The following MEIG1 variants were observed in gnomAD, a reference collection of about 807,000 sequenced individuals.
MEIG1 encodes the protein meiosis expressed gene 1 protein homolog.
Under a neutral mutation model 11.3 loss-of-function variants are expected in MEIG1, and 12 were observed. That is an observed-to-expected ratio of 1.07 (90% CI 0.68 to 1.73). The LOEUF (loss-of-function observed/expected upper bound fraction) is 1.73, where lower values mean the gene tolerates loss of function less well. MEIG1 is among the 40% of genes most tolerant of loss of function. The pLI is 0.00. For missense variants in MEIG1, 119 were observed against 104.9 expected (o/e 1.13, Z -0.59); for synonymous variants, 41 against 33.2 (o/e 1.24, Z -0.81).
At chr10:14,963,649 A>T (rs923880591) in intron 1 of MEIG1, among the ~76,000 whole-genome samples, 1 of 152,054 alleles carries the variant, frequency 6.6e-6, no homozygotes, top group South Asian at 2.1e-4. Context: ...GGTGTTCCAA[A>T]TTTTACATAA....
intron 1 of MEIG1, among the ~76,000 whole-genome samples, chr10:14,985,256 CG>C (rs1236611278): frequency 6.6e-6 from 1 of 151,688 alleles, no homozygotes; most frequent in Non-Finnish European, 1.5e-5. Context: ...ACTATGGTCA[CG>C]GGGGTATACA....
chr10:14,976,177 C>T (rs1293773931), downstream of MEIG1, among the ~76,000 whole-genome samples: 3 of 152,274 alleles, frequency 2.0e-5, no homozygotes, highest in African/African-American at 7.2e-5. Context: ...CTTTTCTCTA[C>T]TGCCATCCTG....
At chr10:14,965,837 C>T (rs1843076455) in intron 1 of MEIG1, among the ~76,000 whole-genome samples, 1 of 152,110 alleles carries the variant, frequency 6.6e-6, no homozygotes, top group Non-Finnish European at 1.5e-5. Context: ...GCTTTTAGAA[C>T]ATCACTCCGT....
chr10:14,987,029 T>A lies in MEIG1; in HGVS notation n.285+15T>A, dbSNP rs1022584455. 10 of 619,346 alleles carry A rather than the reference T, an allele frequency of 1.6e-5. No homozygotes were observed. The African/African-American group carries it at 1.9e-4, about 12-fold the overall frequency. 38.4% of individuals were successfully genotyped at this position (619,346 alleles called of 1,614,324 possible). On this transcript the variant is annotated intron_variant and non_coding_transcript_variant, in intron 2 of 2. Coordinates refer to the MEIG1 transcript ENST00000467536. The stretch of plus-strand genomic sequence containing the variant: ...AAGACACAGAGGTGAGGATTCATGA[T>A]GACTGGGTAGTGCAGAGGGAGACAG...
At chr10:14,987,715 T>A (rs1337552144) in intron 2 of MEIG1, 3 of 258,906 alleles carry the variant, frequency 1.2e-5, no homozygotes, top group African/African-American at 6.9e-5. Flanking sequence ...AACAAATCCG[T>A]GATCTCCGTA....
chr10:14,970,689 C>CA (rs1250227712), intron 2 of MEIG1: 2 of 152,066 alleles, frequency 1.3e-5, no homozygotes. Flanking sequence ...TGAGATGACA[C>CA]AAAAAATGAA....
chr10:14,972,965 A>C (rs11259411), downstream of MEIG1: 135,420 of 204,978 alleles, frequency 0.66, 45,173 homozygotes, highest in Admixed American at 0.7. Context: ...TCCCGGGTTC[A>C]AGTGATTCTC....
chr10:14,981,198 T>A (rs1843259281), intron 1 of MEIG1, among the ~76,000 whole-genome samples: 1 of 148,926 alleles, frequency 6.7e-6, no homozygotes, highest in African/African-American at 2.6e-5. Context: ...CCGCCCGTAC[T>A]CTTGGCCACC....
chr10:14,964,752 G>A (rs1378889808), intron 1 of MEIG1, among the ~76,000 whole-genome samples: 1 of 141,852 alleles, frequency 7.0e-6, no homozygotes, highest in Non-Finnish European at 1.5e-5. Flanking sequence ...CCAAGTAGCT[G>A]TGATTGCAGG....
chr10:14,976,561 A>G (rs187364674), downstream of MEIG1, among the ~76,000 whole-genome samples: 11 of 151,896 alleles, frequency 7.2e-5, no homozygotes, highest in East Asian at 2.1e-3. Context: ...ATAAGATGTC[A>G]CTCCTCATAT....
chr10:14,982,118 G>T (rs1478166632), intron 1 of MEIG1, among the ~76,000 whole-genome samples: 1 of 152,134 alleles, frequency 6.6e-6, no homozygotes, highest in African/African-American at 2.4e-5. Context: ...GGGATCGAGG[G>T]GAGTATACAT....
In MEIG1 at chr10:14,966,430, C is replaced by T; in HGVS notation, c.-29-10C>T. On this transcript the variant is annotated splice_polypyrimidine_tract_variant and intron_variant, in intron 1 of 2. Coordinates refer to ENST00000407572, the MANE Select transcript of MEIG1 (RefSeq NM_001080836.3). ...ACATTATCCATTAATGTTGTTTTAACATCTTTCAGATATTATTGATAATAA... is the reference window on the plus strand; with the variant it reads ...ACATTATCCATTAATGTTGTTTTAATATCTTTCAGATATTATTGATAATAA... 4 of 1,552,142 alleles carry T rather than the reference C, an allele frequency of 2.6e-6. No individual in the cohort carries two copies. Among genetic ancestry groups the T allele is most frequent in the Non-Finnish European group, 2.6e-6 (3 of 1,149,692 alleles).
At chr10:14,964,490 C>T (rs914300467) in intron 1 of MEIG1, among the ~76,000 whole-genome samples, 1 of 149,730 alleles carries the variant, frequency 6.7e-6, no homozygotes, top group Non-Finnish European at 1.5e-5. Context: ...TGATTTTTAC[C>T]CAGTATGAAG....
chr10:14,973,786 A>AAAAAAG (rs1843178647), downstream of MEIG1, among the ~76,000 whole-genome samples: 1 of 151,158 alleles, frequency 6.6e-6, no homozygotes, highest in Non-Finnish European at 1.5e-5. Flanking sequence ...AAAAAAAAAA[A>AAAAAAG]GAAAACTATA....
chr10:14,962,258 C>G (rs1229327438), intron 1 of MEIG1, among the ~76,000 whole-genome samples: 1 of 151,990 alleles, frequency 6.6e-6, no homozygotes, highest in Non-Finnish European at 1.5e-5. Context: ...TTGATCTTTC[C>G]TAATTTTAGT....
chr10:14,981,633 G>A (rs1843266334), intron 1 of MEIG1, among the ~76,000 whole-genome samples: 1 of 152,126 alleles, frequency 6.6e-6, no homozygotes, highest in Non-Finnish European at 1.5e-5. Flanking sequence ...CTTTGGGGAC[G>A]CTTGAGCCCG....
At chr10:14,987,771 A>G (rs995209549) in intron 2 of MEIG1, 2 of 188,084 alleles carry the variant, frequency 1.1e-5, no homozygotes, top group East Asian at 1.6e-4. Context: ...CAATGAAAAT[A>G]TCCTTCTCTC....
chr10:14,968,528 AC>A (rs1397838320), intron 2 of MEIG1, among the ~76,000 whole-genome samples: 9 of 152,100 alleles, frequency 5.9e-5, no homozygotes, highest in Non-Finnish European at 1.5e-5. Context: ...TTTTAAAAGT[AC>A]ATAGGAAAAA....
At chr10:14,963,205 T>C (rs1250843487) in intron 1 of MEIG1, among the ~76,000 whole-genome samples, 6 of 148,532 alleles carry the variant, frequency 4.0e-5, no homozygotes, top group African/African-American at 1.2e-4. Context: ...CAAGCAATTC[T>C]CCTACCTCAG....
Sources: allele counts gnomAD v4.1 joint callset (sites outside exome capture counted in the v4.1 genomes callset), GRCh38; gene constraint gnomAD v4.1.1; transcripts MANE v1.5; gene names NCBI Gene and HGNC (gene_info 2026-07-23, HGNC 2026-07-21).